TUT4: variants seen among roughly 807,000 people sequenced by gnomAD.
TUT4 encodes terminal uridylyl transferase 4.
A neutral mutation model predicts 192.2 loss-of-function variants in TUT4; 36 were observed. That is an observed-to-expected ratio of 0.19 (90% CI 0.14 to 0.25). TUT4 has a LOEUF of 0.25. Among genes scored for constraint, TUT4 ranks in the 10% least tolerant of loss-of-function variants. The pLI is 1.00. For synonymous variants in TUT4, 618 were observed against 666.0 expected, an observed-to-expected ratio of 0.93 and a Z score of 1.11; for missense variants, 1,493 against 1,957.2, an observed-to-expected ratio of 0.76 and a Z score of 4.47.
At position 52,464,909 on chromosome 1, in the gene TUT4, A is replaced by C. The variant is rs78616391; in HGVS notation, c.3069+161T>G. The C allele has an allele frequency of 1.2e-3, 574 of 493,228 alleles. 2 individuals carry two copies. The highest frequency in any genetic ancestry group is 0.01 in the African/African-American group (521 of 49,770). The allele number at this position is 493,228 out of a possible 1,614,324, so 30.6% of individuals were successfully genotyped here. A position where few individuals can be genotyped will look rare whatever the true frequency, so the allele number is the denominator to read the frequency against. ...TTTACTTAAGAGTTCAATGTCTTCT[A>C]AACTGAAAATGCTACTGTTTTCATA... On this transcript the variant is annotated intron_variant, in intron 16 of 29. Coordinates refer to ENST00000257177, the MANE Select transcript of TUT4 (RefSeq NM_001009881.3).
At chr1:52,484,646 G>A (rs960185643) in intron 9 of TUT4, among the ~76,000 whole-genome samples, 3 of 152,012 alleles carry the variant, frequency 2.0e-5, no homozygotes, top group Non-Finnish European at 2.9e-5. Flanking sequence ...CTTCCAGTAA[G>A]ATACAGTTGT....
At chr1:52,517,308 C>G (rs912328911) in intron 2 of TUT4, among the ~76,000 whole-genome samples, 9 of 152,198 alleles carry the variant, frequency 5.9e-5, no homozygotes, top group African/African-American at 2.2e-4. Flanking sequence ...ATGCCTAGAT[C>G]TGAGCTAATG....
chr1:52,516,118 A>G (rs539482546), intron 2 of TUT4, 64 bp from the exon 3 acceptor site: 1 of 1,253,570 alleles, frequency 8.0e-7, no homozygotes, highest in Admixed American at 2.3e-5. Context: ...TTTTTAATGG[A>G]AAACAGACAT....
At chr1:52,530,688 C>T (rs902017322) in intron 1 of TUT4, among the ~76,000 whole-genome samples, 5 of 152,126 alleles carry the variant, frequency 3.3e-5, no homozygotes, top group Admixed American at 1.3e-4. Context: ...ACGAAGTTCT[C>T]TCGGAGGAGA....
chr1:52,466,934 T>A (rs1664380497), intron 15 of TUT4, among the ~76,000 whole-genome samples: 1 of 151,984 alleles, frequency 6.6e-6, no homozygotes, highest in African/African-American at 2.4e-5. Context: ...CCCAAAGTGC[T>A]GGGATTATAG....
intron 16 of TUT4, chr1:52,463,900 T>G (rs1557730392): frequency 1.3e-6 from 1 of 778,920 alleles, no homozygotes; most frequent in Non-Finnish European, 1.9e-6. Flanking sequence ...AAAGCAGTGG[T>G]TAGGTTCTAC....
chr1:52,552,681 C>T (rs957591836), intron 1 of TUT4, among the ~76,000 whole-genome samples: 1 of 152,226 alleles, frequency 6.6e-6, no homozygotes, highest in Admixed American at 6.5e-5. Context: ...CAAAGCGCCC[C>T]AATGCCCTCC....
At chr1:52,495,284 T>C in intron 6 of TUT4, 143 bp downstream of exon 6, 1 of 437,854 alleles carries the variant, frequency 2.3e-6, no homozygotes, top group Non-Finnish European at 4.1e-6. Flanking sequence ...CTAATAGTAA[T>C]TTCCAAAAGC....
At chr1:52,498,332 C>CA in intron 4 of TUT4, among the ~76,000 whole-genome samples, 1 of 151,524 alleles carries the variant, frequency 6.6e-6, no homozygotes, top group African/African-American at 2.4e-5. Flanking sequence ...GGCTCCGCCC[C>CA]CCCGGGGTTC....
At chr1:52,489,261 G>A (rs1670554036) in intron 8 of TUT4, among the ~76,000 whole-genome samples, 1 of 152,112 alleles carries the variant, frequency 6.6e-6, no homozygotes, top group Admixed American at 6.6e-5. Context: ...ACATTCATTT[G>A]TACTTCAGAA....
rs1284268239 is a variant in TUT4 at position 52,477,762 on chromosome 1, C to G, written c.1969G>C (p.Asp657His). The change falls in exon 12 of 30, where the codon GAT (aspartate) becomes CAT (histidine). Residue 657 changes from aspartate (D) to histidine (H), a missense_variant. By Grantham distance (81) the Asp-to-His change is moderately conservative. Transcript: ENST00000257177. ...EEYVICVRIQDILTRENKNWP... is the reference protein window; with the variant it reads ...EEYVICVRIQHILTRENKNWP... Reference sequence around the variant, plus strand: ...TTTTTATTTTCTCTTGTTAAAATATCTTGTATCCGTACACATATGACATAT... The same window carrying G: ...TTTTTATTTTCTCTTGTTAAAATATGTTGTATCCGTACACATATGACATAT... 1 of 1,612,962 alleles carries G rather than the reference C, an allele frequency of 6.2e-7. No homozygotes were observed. Among genetic ancestry groups the G allele is most frequent in the East Asian group, 2.2e-5 (1 of 44,838 alleles).
intron 24 of TUT4, among the ~76,000 whole-genome samples, chr1:52,442,792 A>G (rs1238696990): frequency 6.6e-6 from 1 of 152,228 alleles, no homozygotes; most frequent in African/African-American, 2.4e-5. Context: ...CTTTTGAAAG[A>G]GAATAAAATA....
chr1:52,495,368 TC>T (rs1672191362), intron 6 of TUT4, 58 bp downstream of exon 6: 1 of 1,046,292 alleles, frequency 9.6e-7, no homozygotes, highest in African/African-American at 1.6e-5. Context: ...ACAAAGATAA[TC>T]CATAAAAATT....
Position 52,423,799 on chromosome 1 carries a change from T to G in TUT4, c.*136A>C. 6.5e-7 allele frequency: 1 copy of G among 1,542,372 alleles called. No homozygotes were observed. On this transcript the variant is annotated 3_prime_UTR_variant, in exon 30 of 30. Transcript: ENST00000257177. ...CGTGTTAAAATTTTAAATCAGGACC[T>G]GATTTGTTTTGCTTTCCATTAAATG...
At chr1:52,538,531 C>A (rs1326983405) in intron 1 of TUT4, 1 of 151,538 alleles carries the variant, frequency 6.6e-6, no homozygotes, top group Non-Finnish European at 1.5e-5. Flanking sequence ...CACCTGTAGT[C>A]CCAGTCTCAG....
Position 52,526,207 on chromosome 1 carries a change from G to T in TUT4, c.74C>A (p.Ala25Glu). Residue 25 changes from alanine (A) to glutamate (E), a missense_variant, in exon 2 of 30, where the codon GCA becomes GAA. By Grantham distance (107) the Ala-to-Glu change is moderately radical. This residue lies in a region of TUT4 where 260 missense variants were observed against 247.8 expected (regional missense o/e 1.05). Transcript: ENST00000257177. ...KKNVICEESKAVQVIGNQTLK... is the reference protein window; with the variant it reads ...KKNVICEESKEVQVIGNQTLK... ...TGTTTGATTACCTATAACTTGAACT[G>T]CTTTGCTTTCTTCACAAATAACATT... 6.2e-7 allele frequency: 1 copy of T among 1,602,598 alleles called. No homozygotes were observed. The highest frequency in any genetic ancestry group is 8.5e-7 in the Non-Finnish European group (1 of 1,177,760).
At chr1:52,466,667 T>A (rs1664269363) in intron 15 of TUT4, among the ~76,000 whole-genome samples, 1 of 135,346 alleles carries the variant, frequency 7.4e-6, no homozygotes, top group Non-Finnish European at 1.5e-5. Flanking sequence ...AAAATATATA[T>A]ATATATATAT....
Position 52,461,693 on chromosome 1 carries a change from T to G in TUT4, c.3127+19A>C. 2.0e-6 allele frequency: 3 copies of G among 1,536,796 alleles called. No homozygotes were observed. In the African/African-American group the frequency reaches 4.2e-5, roughly 21 times the overall value. On this transcript the variant is annotated intron_variant, in intron 17 of 29. Coordinates refer to ENST00000257177, the MANE Select transcript of TUT4 (RefSeq NM_001009881.3). ...AAAAAAATTTATTTTGTTTTACAGA[T>G]AAGATTCAAAATTCATACCTGGATG... is the stretch of plus-strand genomic sequence containing the variant.
At chr1:52,463,648 A>G in intron 16 of TUT4, 5 of 1,303,734 alleles carry the variant, frequency 3.8e-6, no homozygotes, top group Non-Finnish European at 5.1e-6. Context: ...TAGGCTGGTA[A>G]AGGACTGAAC....
Sources: gnomAD v4.1 joint callset for allele counts (sites outside exome capture counted in the v4.1 genomes callset) on GRCh38, gnomAD v4.1.1 for gene constraint, gnomAD v4.1.1 regional missense constraint, MANE v1.5 for transcripts, NCBI Gene and HGNC (gene_info 2026-07-23, HGNC 2026-07-21) for gene names.